The following NOBOX variants were observed in gnomAD, a reference collection of about 807,000 sequenced individuals.
NOBOX encodes the protein NOBOX oogenesis homeobox.
A neutral mutation model predicts 60.2 loss-of-function variants in NOBOX; 46 were observed. The ratio of observed to expected loss-of-function variants is 0.76; its 90% CI spans 0.60 to 0.98. The LOEUF is 0.98. Among genes scored for constraint, NOBOX ranks in the 50% least tolerant of loss-of-function variants. The pLI is 0.00. For missense variants in NOBOX, 880 were observed against 865.5 expected (o/e 1.02, Z -0.21); for synonymous variants, 360 against 346.3 (o/e 1.04, Z -0.44).
chr7:144,398,734 C>T, intron 8 of NOBOX, 148 bp from the exon 7 acceptor site: 2 of 660,824 alleles, frequency 3.0e-6, no homozygotes, highest in South Asian at 1.9e-5. Context: ...CTCTTCTCCC[C>T]ACTCCCGCTC....
intron 7 of NOBOX, 25 bp downstream of exon 5, chr7:144,399,372 C>T: frequency 2.6e-6 from 4 of 1,510,870 alleles, no homozygotes; most frequent in Non-Finnish European, 3.6e-6. Flanking sequence ...GCCATTTTCC[C>T]CCAGCTCTGA....
chr7:144,402,041 A>T, intron 2 of NOBOX: 1 of 928,436 alleles, frequency 1.1e-6, no homozygotes, highest in South Asian at 1.4e-5. Flanking sequence ...CACAACAGGC[A>T]TTATTGCTTG....
At chr7:144,399,365 A>G (rs752146898) in intron 7 of NOBOX, 32 bp downstream of exon 5, 19 of 1,474,294 alleles carry the variant, frequency 1.3e-5, no homozygotes, top group Non-Finnish European at 1.7e-5. Flanking sequence ...TTTAGTTGCC[A>G]TTTTCCCCCA....
chr7:144,397,652 T>G, intron 9 of NOBOX, 111 bp from the exon 8 acceptor site: 1 of 936,430 alleles, frequency 1.1e-6, no homozygotes, highest in South Asian at 1.8e-5. Context: ...AGACGCAGCT[T>G]AGGACCTCAG....
chr7:144,400,299 C>A lies in NOBOX; in HGVS notation c.858G>T (p.Glu286Asp). 1 of 1,613,962 alleles carries A rather than the reference C, an allele frequency of 6.2e-7. No individual in the cohort carries two copies. Among genetic ancestry groups the A allele is most frequent in the Non-Finnish European group, 8.5e-7 (1 of 1,179,822 alleles). Residue 286 changes from glutamate to aspartate, a missense_variant, in exon 5 of 10, where the codon GAG (glutamate) becomes GAT (aspartate). Coordinates refer to ENST00000467773, the MANE Select transcript of NOBOX (RefSeq NM_001080413.3). The stretch of plus-strand genomic sequence containing the variant: ...GGTCTTCTTGGAATATCTTCTCTAG[C>A]TCCTCCAGCTGATCTGAAAGAAGAA...
intron 1 of NOBOX, among the ~76,000 whole-genome samples, chr7:144,406,473 G>C (rs1247773959): frequency 6.6e-6 from 1 of 152,012 alleles, no homozygotes; most frequent in Non-Finnish European, 1.5e-5. Flanking sequence ...CAGGAGAATT[G>C]CTGGAATCCA....
Position 144,401,856 on chromosome 7 carries a change from T to C in NOBOX, c.292+13A>G, listed in dbSNP as rs2053941939. On this transcript the variant is annotated intron_variant, in intron 3 of 9. Transcript: ENST00000467773. The surrounding 1 kb of genome is among the most constrained non-coding windows in gnomAD (Gnocchi z 4.2). ...CGTTAGCTCATGGTATCTCCTAATT[T>C]GGGGGTACTCACCCCTTGTGAGTTC... is the stretch of plus-strand genomic sequence containing the variant. 6.5e-7 allele frequency: 1 copy of C among 1,547,448 alleles called. No homozygotes were observed. The highest frequency in any genetic ancestry group is 8.9e-7 in the Non-Finnish European group (1 of 1,121,626).
chr7:144,406,785 T>C (rs150558436), intron 1 of NOBOX, among the ~76,000 whole-genome samples: 64 of 152,318 alleles, frequency 4.2e-4, no homozygotes, highest in African/African-American at 1.5e-3. Context: ...ATGGATCAAC[T>C]TCAAGTGAAG....
In NOBOX at chr7:144,399,812, C is replaced by T. The variant is rs1303606325; in HGVS notation, c.1099G>A (p.Gly367Arg). The change falls in exon 6 of 10, where the codon GGG becomes AGG. Residue 367 changes from glycine to arginine, a missense_variant. Gly to Arg is a moderately radical substitution (Grantham distance 125). Coordinates refer to ENST00000467773, the MANE Select transcript of NOBOX (RefSeq NM_001080413.3). ...GCAGGATTGTCCTTGCTTTCTTTCCCATTCAGTTTCTCCATTTTTCGCCAC... is the reference window on the plus strand; with the variant it reads ...GCAGGATTGTCCTTGCTTTCTTTCCTATTCAGTTTCTCCATTTTTCGCCAC... The T allele has an allele frequency of 3.7e-6, 6 of 1,612,984 alleles. No individual in the cohort carries two copies. Among genetic ancestry groups the T allele is most frequent in the Non-Finnish European group, 5.1e-6 (6 of 1,179,196 alleles).
intron 7 of NOBOX, 37 bp downstream of exon 5, chr7:144,399,360 T>C: frequency 1.4e-6 from 2 of 1,423,974 alleles, no homozygotes; most frequent in Non-Finnish European, 1.9e-6. Context: ...CTATCTTTAG[T>C]TGCCATTTTC....
At chr7:144,405,911 G>A (rs2053982137) in intron 1 of NOBOX, among the ~76,000 whole-genome samples, 2 of 152,080 alleles carry the variant, frequency 1.3e-5, no homozygotes, top group African/African-American at 4.8e-5. Flanking sequence ...CAAAAACTAA[G>A]TCAGTTAAAA....
At position 144,401,859 on chromosome 7, in the gene NOBOX, G is replaced by A. The variant is rs1364425876; in HGVS notation, c.292+10C>T. On this transcript the variant is annotated intron_variant, in intron 3 of 9. Transcript: ENST00000467773. This position sits in a 1 kb window ranked among gnomAD's most constrained non-coding sequence, Gnocchi z 4.2. ...TAGCTCATGGTATCTCCTAATTTGG[G>A]GGTACTCACCCCTTGTGAGTTCCCT... The A allele has an allele frequency of 1.3e-6, 2 of 1,563,760 alleles. No homozygotes were observed. The highest frequency in any genetic ancestry group is 1.8e-6 in the Non-Finnish European group (2 of 1,136,596).
Position 144,404,577 on chromosome 7 carries a change from A to T in NOBOX, c.189T>A (p.Cys63Ter). The change falls in exon 2 of 10, where the codon TGT (cysteine) becomes TGA (stop). Residue 63 changes from cysteine (C) to a stop codon, truncating the protein, a stop_gained. Transcript: ENST00000467773. LOFTEE classifies it high-confidence loss of function. ...GTACTGATTTGAGGGTCTCCAGAGCACAAAGGCTGCACCGGATGATGAAGA... is the reference window on the plus strand; with the variant it reads ...GTACTGATTTGAGGGTCTCCAGAGCTCAAAGGCTGCACCGGATGATGAAGA... 2.5e-6 allele frequency: 4 copies of T among 1,613,562 alleles called. No individual in the cohort carries two copies. The highest frequency in any genetic ancestry group is 3.4e-6 in the Non-Finnish European group (4 of 1,179,824).
At chr7:144,398,691 G>T in intron 8 of NOBOX, 105 bp from the exon 7 acceptor site, 1 of 823,262 alleles carries the variant, frequency 1.2e-6, no homozygotes, top group Non-Finnish European at 1.9e-6. Context: ...CATCTCCATG[G>T]TAAGCCCAGC....
chr7:144,404,538 A>G (rs764001433), intron 2 of NOBOX: 2 of 1,606,604 alleles, frequency 1.2e-6, no homozygotes, highest in Non-Finnish European at 1.7e-6. Context: ...CGTGAGCCAC[A>G]GCGCTCGCCC....
chr7:144,401,828 C>G lies in NOBOX; in HGVS notation c.292+41G>C. 7.4e-7 allele frequency: 1 copy of G among 1,357,596 alleles called. No individual in the cohort carries two copies. The highest frequency in any genetic ancestry group is 1.2e-5 in the South Asian group (1 of 80,752). The allele number at this position is 1,357,596 out of a possible 1,614,324, so 84.1% of individuals were successfully genotyped here. The stretch of plus-strand genomic sequence containing the variant: ...TAGACAAATTTATGCAATTCTGAGA[C>G]GGCGTTAGCTCATGGTATCTCCTAA... On this transcript the variant is annotated intron_variant, in intron 3 of 9. Coordinates refer to ENST00000467773, the MANE Select transcript of NOBOX (RefSeq NM_001080413.3). This position sits in a 1 kb window ranked among gnomAD's most constrained non-coding sequence, Gnocchi z 4.2.
rs547261391 is a variant in NOBOX, at chr7:144,404,550, C to G, written c.210+6G>C. 99 of 1,612,154 alleles carry G rather than the reference C, an allele frequency of 6.1e-5. No individual in the cohort carries two copies. Among genetic ancestry groups the G allele is most frequent in the Admixed American group, 3.2e-4 (19 of 59,904 alleles). ...AGGCGTGAGCCACAGCGCTCGCCCC[C>G]CGTACTGATTTGAGGGTCTCCAGAG... On this transcript the variant is annotated splice_donor_region_variant and intron_variant, in intron 2 of 9. Transcript: ENST00000467773.
intron 8 of NOBOX, 76 bp downstream of exon 6, chr7:144,398,874 G>T: frequency 1.3e-6 from 1 of 785,178 alleles, no homozygotes; most frequent in African/African-American, 1.7e-5. Flanking sequence ...TCCTCTCTGT[G>T]TCTATCTTCT....
In NOBOX at chr7:144,397,545, T is replaced by G. The variant is rs1225003788; in HGVS notation, c.1775-4A>C. On this transcript the variant is annotated splice_region_variant and splice_polypyrimidine_tract_variant and intron_variant, in intron 9 of 9. Coordinates refer to ENST00000467773, the MANE Select transcript of NOBOX (RefSeq NM_001080413.3). ...GGGTCACTCCAGGAGGCTGTACCTGTGGGGTCGGAGGGTGTAGGAATTACC... is the reference window on the plus strand; with the variant it reads ...GGGTCACTCCAGGAGGCTGTACCTGGGGGGTCGGAGGGTGTAGGAATTACC... The G allele has an allele frequency of 1.3e-6, 2 of 1,516,574 alleles. No homozygotes were observed. The highest frequency in any genetic ancestry group is 1.8e-6 in the Non-Finnish European group (2 of 1,134,454). 93.9% of individuals were successfully genotyped at this position (1,516,574 alleles called of 1,614,324 possible).
Sources: allele counts gnomAD v4.1 joint callset (sites outside exome capture counted in the v4.1 genomes callset), GRCh38; gene constraint gnomAD v4.1.1; non-coding constraint Gnocchi (gnomAD v3.1); transcripts MANE v1.5; gene names NCBI Gene and HGNC (gene_info 2026-07-23, HGNC 2026-07-21).